The following CLPP variants were observed in gnomAD, a reference collection of about 807,000 sequenced individuals.
CLPP encodes the protein ATP-dependent Clp protease proteolytic subunit, mitochondrial.
In CLPP, 14 loss-of-function variants were observed where a neutral mutation model predicts 27.4. The observed-to-expected ratio is 0.51, with a 90% CI of 0.34 to 0.80. The LOEUF (loss-of-function observed/expected upper bound fraction) is 0.80. Among genes scored for constraint, CLPP ranks in the 30% least tolerant of loss-of-function variants. The pLI, the probability that CLPP is intolerant of heterozygous loss-of-function variation, is 0.02. For synonymous variants in CLPP, 193 were observed against 166.6 expected (o/e 1.16, Z -1.22); for missense variants, 361 against 403.6 (o/e 0.89, Z 0.90).
Position 6,361,740 on chromosome 19 carries a change from C to T in CLPP, c.166C>T (p.Leu56Phe), listed in dbSNP as rs2091834780. 3.9e-6 allele frequency: 6 copies of T among 1,520,492 alleles called. No homozygotes were observed. In the South Asian group the frequency reaches 7.4e-5, roughly 19 times the overall value. The allele number at this position is 1,520,492 out of a possible 1,614,324, so 94.2% of individuals were successfully genotyped here. A position where few individuals can be genotyped will look rare whatever the true frequency, so the allele number is the denominator to read the frequency against. The change falls in exon 1 of 6, where the codon CTC becomes TTC. Residue 56 changes from leucine (L) to phenylalanine (F), a missense_variant. Leu to Phe is a conservative substitution (Grantham distance 22). Coordinates refer to ENST00000245816, the MANE Select transcript of CLPP (RefSeq NM_006012.4). The part of the protein sequence containing the change: ...RCLHATATRA[L>F]PLIPIVVEQT... ...CCTGCACGCGACGGCGACCCGGGCT[C>T]TCCCGCTCATTCCCATCGTGGTGGA...
At chr19:6,363,938 C>T (rs558308777) in intron 3 of CLPP, among the ~76,000 whole-genome samples, 5 of 151,318 alleles carry the variant, frequency 3.3e-5, no homozygotes, top group Non-Finnish European at 7.4e-5. Flanking sequence ...GTGGCTCACA[C>T]GTGTAATCCC....
chr19:6,361,652 T>C lies in CLPP; in HGVS notation c.78T>C (p.Ala26=). The C allele has an allele frequency of 2.1e-6, 3 of 1,420,904 alleles. No homozygotes were observed. Among genetic ancestry groups the C allele is most frequent in the Non-Finnish European group, 2.8e-6 (3 of 1,087,478 alleles). The allele number at this position is 1,420,904 out of a possible 1,614,324, so 88.0% of individuals were successfully genotyped here. The change falls in exon 1 of 6, where the codon GCT becomes GCC. Residue 26 remains alanine (A), a synonymous_variant. Coordinates refer to ENST00000245816, the MANE Select transcript of CLPP (RefSeq NM_006012.4). Reference sequence around the variant, plus strand: ...CCGCGCTGGGGCCTCGCCTCGCCGCTCACTTTCCAGCGCAGCGGCCGCCGC... The same window carrying C: ...CCGCGCTGGGGCCTCGCCTCGCCGCCCACTTTCCAGCGCAGCGGCCGCCGC... ...RYPALGPRLA[A]HFPAQRPPQR...
Position 6,364,731 on chromosome 19 carries a change from GT to G in CLPP, c.555+107del, listed in dbSNP as rs371513262. 179,794 of 831,632 alleles carry G rather than the reference GT, an allele frequency of 0.22. 1,673 individuals are homozygous for G. Among genetic ancestry groups the G allele is most frequent in the East Asian group, 0.38 (12,215 of 32,340 alleles). The allele number at this position is 831,632 out of a possible 1,614,324, so 51.5% of individuals were successfully genotyped here. ...GCGGAAGTCAAGCGTGGGAGGGGATGTTTTTTTTTTTTTTTGAGATGGAGTC... is the reference window on the plus strand; with the variant it reads ...GCGGAAGTCAAGCGTGGGAGGGGATGTTTTTTTTTTTTTTGAGATGGAGTC... On this transcript the variant is annotated intron_variant, in intron 4 of 5. Transcript: ENST00000245816.
chr19:6,361,664 G>T lies in CLPP; in HGVS notation c.90G>T (p.Ala30=). The T allele has an allele frequency of 2.1e-6, 3 of 1,427,562 alleles. No homozygotes were observed. Among genetic ancestry groups the T allele is most frequent in the Non-Finnish European group, 2.7e-6 (3 of 1,091,764 alleles). The allele number at this position is 1,427,562 out of a possible 1,614,324, so 88.4% of individuals were successfully genotyped here. ...CTCGCCTCGCCGCTCACTTTCCAGC[G>T]CAGCGGCCGCCGCAGCGGACACTCC... is the stretch of plus-strand genomic sequence containing the variant. ...LGPRLAAHFP[A]QRPPQRTLQN... Residue 30 remains alanine, a synonymous_variant, in exon 1 of 6, where the codon GCG becomes GCT. Coordinates refer to ENST00000245816, the MANE Select transcript of CLPP (RefSeq NM_006012.4).
Position 6,361,543 on chromosome 19 carries a change from T to A in CLPP, c.-32T>A. The A allele has an allele frequency of 1.5e-6, 2 of 1,373,134 alleles. No homozygotes were observed. The highest frequency in any genetic ancestry group is 1.9e-6 in the Non-Finnish European group (2 of 1,057,784). 85.1% of individuals were successfully genotyped at this position (1,373,134 alleles called of 1,614,324 possible). A position where few individuals can be genotyped will look rare whatever the true frequency, so the allele number is the denominator to read the frequency against. Reference sequence around the variant, plus strand: ...CACGCCGGAAGCTGTAGTTCCGCCATCGGACGGAAGCCGACCGGGGCGTGC... The same window carrying A: ...CACGCCGGAAGCTGTAGTTCCGCCAACGGACGGAAGCCGACCGGGGCGTGC... On this transcript the variant is annotated 5_prime_UTR_variant, in exon 1 of 6. Transcript: ENST00000245816.
At chr19:6,363,293 A>G (rs1440927276) in intron 3 of CLPP, among the ~76,000 whole-genome samples, 2 of 151,694 alleles carry the variant, frequency 1.3e-5, no homozygotes, top group African/African-American at 4.8e-5. Flanking sequence ...ATGCCTGTCT[A>G]ATTTTTTGTA....
Position 6,361,923 on chromosome 19 carries a change from G to A in CLPP, c.253G>A (p.Val85Met). ...CTCGCGGCTGCTGCGGGAGCGCATC[G>A]TGTGCGTCATGGGCCCGGTGAGCGC... ...IYSRLLRERIVCVMGPIDDSV... is the reference protein window; with the variant it reads ...IYSRLLRERIMCVMGPIDDSV... Residue 85 changes from valine (V) to methionine (M), a missense_variant, in exon 2 of 6, where the codon GTG becomes ATG. This residue lies in a region of CLPP where 213 missense variants were observed against 280.9 expected (regional missense o/e 0.76). Transcript: ENST00000245816. 1 of 1,598,320 alleles carries A rather than the reference G, an allele frequency of 6.3e-7. No homozygotes were observed. Among genetic ancestry groups the A allele is most frequent in the South Asian group, 1.1e-5 (1 of 90,998 alleles).
In CLPP at chr19:6,361,612, C is replaced by G; in HGVS notation, c.38C>G (p.Ala13Gly). Residue 13 changes from alanine to glycine, a missense_variant, in exon 1 of 6, where the codon GCG becomes GGG. Physicochemically the swap from Ala to Gly is moderately conservative, Grantham distance 60. This residue lies in a region of CLPP where 148 missense variants were observed against 122.6 expected (regional missense o/e 1.21). Transcript: ENST00000245816. The part of the protein sequence containing the change: ...PGILVGGARV[A>G]SCRYPALGPR... Reference sequence around the variant, plus strand: ...ATATTGGTAGGGGGGGCCCGGGTGGCGTCATGCAGGTACCCCGCGCTGGGG... The same window carrying G: ...ATATTGGTAGGGGGGGCCCGGGTGGGGTCATGCAGGTACCCCGCGCTGGGG... 1 of 1,415,696 alleles carries G rather than the reference C, an allele frequency of 7.1e-7. No individual in the cohort carries two copies. The highest frequency in any genetic ancestry group is 1.9e-4 in the Middle Eastern group (1 of 5,298). 87.7% of individuals were successfully genotyped at this position (1,415,696 alleles called of 1,614,324 possible).
In CLPP at chr19:6,369,564, C is replaced by G. The variant is rs182613703; in HGVS notation, c.*854C>G. On this transcript the variant is annotated 3_prime_UTR_variant, in exon 6 of 6. Transcript: ENST00000245816. ...AGGAGGTGAGGGGTGGAGCCTGTGTCCAGGCAGAGGGCACAGCCAGTGCAA... is the reference window on the plus strand; with the variant it reads ...AGGAGGTGAGGGGTGGAGCCTGTGTGCAGGCAGAGGGCACAGCCAGTGCAA... Among the ~76,000 whole-genome samples the G allele has an allele frequency of 6.6e-6, 1 of 152,080 alleles. No individual in the cohort carries two copies. Among genetic ancestry groups the G allele is most frequent in the Non-Finnish European group, 1.5e-5 (1 of 68,024 alleles).
chr19:6,364,605 G>T lies in CLPP; in HGVS notation c.521G>T (p.Arg174Leu). 6.2e-7 allele frequency: 1 copy of T among 1,612,562 alleles called. No homozygotes were observed. The highest frequency in any genetic ancestry group is 8.5e-7 in the Non-Finnish European group (1 of 1,179,800). The change falls in exon 4 of 6, where the codon CGT becomes CTT. Residue 174 changes from arginine (R) to leucine (L), a missense_variant. Transcript: ENST00000245816. ...PGMRHSLPNS[R>L]IMIHQPSGGA... ...ATGCGCCACTCGCTCCCCAACTCCC[G>T]TATCATGATCCACCAGCCCTCAGGA...
intron 4 of CLPP, 38 bp from the exon 5 acceptor site, chr19:6,366,220 C>A: frequency 6.8e-7 from 1 of 1,469,436 alleles, no homozygotes; most frequent in Non-Finnish European, 9.4e-7. Context: ...GACGCCGATA[C>A]CAACCTTTAC....
chr19:6,367,715 A>G (rs1173486913), intron 5 of CLPP, among the ~76,000 whole-genome samples: 4 of 146,290 alleles, frequency 2.7e-5, no homozygotes, highest in African/African-American at 1.1e-4. Context: ...TTATACATCA[A>G]TAACAATTTT....
chr19:6,369,484 A>G lies in CLPP; in HGVS notation c.*774A>G, dbSNP rs2091878256. 6.6e-6 allele frequency among the ~76,000 whole-genome samples: 1 copy of G among 151,166 alleles called. No homozygotes were observed. The highest frequency in any genetic ancestry group is 6.6e-5 in the Admixed American group (1 of 15,110). ...GAGGGTAAGCGTGTTACAGTTTTTT[A>G]TGGGGTAATCAGGGAAGCCCTCACT... On this transcript the variant is annotated 3_prime_UTR_variant, in exon 6 of 6. Transcript: ENST00000245816.
chr19:6,364,067 G>A (rs1337885580), intron 3 of CLPP, among the ~76,000 whole-genome samples: 1 of 137,670 alleles, frequency 7.3e-6, no homozygotes, highest in Non-Finnish European at 1.5e-5. Context: ...GTCTCGTTCT[G>A]TCGCCCAGGC....
rs776574556 is a variant in CLPP at position 6,368,614 on chromosome 19, C to G, written c.738C>G (p.Val246=). The stretch of plus-strand genomic sequence containing the variant: ...TTGGCATCTTAGACAAGGTTCTGGT[C>G]CACCCTCCCCAGGACGGTGAGGATG... ...QEFGILDKVL[V]HPPQDGEDEP... is the part of the protein sequence containing the mutation. The change falls in exon 6 of 6, where the codon GTC becomes GTG. Residue 246 remains valine (V), a synonymous_variant. Coordinates refer to ENST00000245816, the MANE Select transcript of CLPP (RefSeq NM_006012.4). 4 of 1,613,074 alleles carry G rather than the reference C, an allele frequency of 2.5e-6. No homozygotes were observed. The South Asian group carries it at 3.3e-5, about 13-fold the overall frequency.
At position 6,368,705 on chromosome 19, in the gene CLPP, A is replaced by G; in HGVS notation, c.829A>G (p.Thr277Ala). The change falls in exon 6 of 6, where the codon ACC becomes GCC. Residue 277 changes from threonine to alanine, a missense_variant. Around this residue, in one of 2 missense-constraint regions of CLPP, gnomAD observed 213 missense variants for 280.9 expected, o/e 0.76. Transcript: ENST00000245816. ...APAAEPVPAS[T>A] ...GGCAGCAGAACCTGTCCCAGCTAGC[A>G]CCTGAGAGCTGGGCCTCCTCTCCAG... is the stretch of plus-strand genomic sequence containing the variant. 6.4e-7 allele frequency: 1 copy of G among 1,551,120 alleles called. No individual in the cohort carries two copies. The highest frequency in any genetic ancestry group is 8.7e-7 in the Non-Finnish European group (1 of 1,147,582).
At chr19:6,364,719 G>T in intron 4 of CLPP, 80 bp downstream of exon 4, 4 of 1,336,926 alleles carry the variant, frequency 3.0e-6, no homozygotes, top group Non-Finnish European at 4.0e-6. Flanking sequence ...GAAGTCAAGC[G>T]TGGGAGGGGA....
At chr19:6,366,446 C>T (rs2091863201) in intron 5 of CLPP, 83 bp downstream of exon 5, 3 of 1,050,746 alleles carry the variant, frequency 2.9e-6, no homozygotes, top group Non-Finnish European at 4.3e-6. Flanking sequence ...CCACCTGGCC[C>T]CTGCGGACTT....
intron 1 of CLPP, 28 bp downstream of exon 1, chr19:6,361,800 C>T (rs1172722217): frequency 8.4e-7 from 1 of 1,197,210 alleles, no homozygotes; most frequent in African/African-American, 1.5e-5. Context: ...GGACACGGTT[C>T]GGGGGCTCCG....
Sources: gnomAD v4.1 joint callset for allele counts (sites outside exome capture counted in the v4.1 genomes callset) on GRCh38, gnomAD v4.1.1 for gene constraint, gnomAD v4.1.1 regional missense constraint, MANE v1.5 for transcripts, NCBI Gene and HGNC (gene_info 2026-07-23, HGNC 2026-07-21) for gene names.